Variants in LRRK2 observed in about 807,000 individuals in gnomAD.
LRRK2 encodes leucine-rich repeat serine/threonine-protein kinase 2.
A neutral mutation model predicts 302.6 loss-of-function variants in LRRK2; 203 were observed. That is an observed-to-expected ratio of 0.67 (90% CI 0.60 to 0.75). The LOEUF (loss-of-function observed/expected upper bound fraction) is 0.75, where lower values mean the gene tolerates loss of function less well. Ranked by LOEUF, LRRK2 falls within the 30% of genes least tolerant of loss-of-function variation. The pLI is 0.00. For missense variants in LRRK2, 2,830 were observed against 2,951.0 expected (o/e 0.96, Z 0.95); for synonymous variants, 1,066 against 1,031.9 (o/e 1.03, Z -0.63).
chr12:40,321,019 T>G lies in LRRK2; in HGVS notation c.5016-15T>G. Reference sequence around the variant, plus strand: ...TTTGTGAGGCTGTATAACCATAGTGTCCTTTTGCCTTTAGTTTGTCTGACC... The same window carrying G: ...TTTGTGAGGCTGTATAACCATAGTGGCCTTTTGCCTTTAGTTTGTCTGACC... On this transcript the variant is annotated splice_polypyrimidine_tract_variant and intron_variant, in intron 34 of 50. Coordinates refer to ENST00000298910, the MANE Select transcript of LRRK2 (RefSeq NM_198578.4). 1 of 1,612,244 alleles carries G rather than the reference T, an allele frequency of 6.2e-7. No homozygotes were observed. Among genetic ancestry groups the G allele is most frequent in the South Asian group, 1.1e-5 (1 of 91,038 alleles).
chr12:40,316,291 C>G (rs1427305455), intron 33 of LRRK2: 6 of 983,948 alleles, frequency 6.1e-6, no homozygotes, highest in Admixed American at 1.2e-4. Flanking sequence ...AAAAAGGAAG[C>G]TATTGTGAAG....
rs11176166 is a variant in LRRK2 at position 40,355,140 on chromosome 12, G to A, written c.6770+648G>A. 6.4e-4 allele frequency among the ~76,000 whole-genome samples: 98 copies of A among 152,226 alleles called. 5 individuals carry two copies. In the East Asian group the frequency reaches 0.019, roughly 29 times the overall value. On this transcript the variant is annotated intron_variant, in intron 45 of 50. Transcript: ENST00000298910. ...GGTTTAAGTTAGTATTGGAAAAAAAGTACTAGAAAAATGTGAAGCCTGTTT... is the reference window on the plus strand; with the variant it reads ...GGTTTAAGTTAGTATTGGAAAAAAAATACTAGAAAAATGTGAAGCCTGTTT...
chr12:40,328,181 C>T (rs541996225), intron 38 of LRRK2, among the ~76,000 whole-genome samples, 179 bp from the exon 39 acceptor site: 1 of 152,296 alleles, frequency 6.6e-6, no homozygotes, highest in Admixed American at 6.5e-5. Context: ...AAAATCTTTA[C>T]ATATATCTTT....
At chr12:40,364,605 C>G (rs1946821052) in intron 48 of LRRK2, among the ~76,000 whole-genome samples, 1 of 151,382 alleles carries the variant, frequency 6.6e-6, no homozygotes, top group African/African-American at 2.4e-5. Flanking sequence ...CCCTCTTATT[C>G]ATAATTTCCT....
chr12:40,270,808 A>G (rs899410439), intron 14 of LRRK2, among the ~76,000 whole-genome samples: 7 of 152,162 alleles, frequency 4.6e-5, no homozygotes, highest in Non-Finnish European at 1.0e-4. Context: ...ATACACGAAT[A>G]CATATACATG....
At chr12:40,233,591 G>A (rs1287211076) in intron 3 of LRRK2, among the ~76,000 whole-genome samples, 1 of 152,172 alleles carries the variant, frequency 6.6e-6, no homozygotes, top group African/African-American at 2.4e-5. Flanking sequence ...GTAATTCTAT[G>A]TATCAGTTCT....
At chr12:40,283,044 T>TA (rs112859457) in intron 18 of LRRK2, among the ~76,000 whole-genome samples, 4,936 of 151,686 alleles carry the variant, frequency 0.033, 255 homozygotes, top group African/African-American at 0.11. Context: ...AGGATTTTTT[T>TA]AAAAAAAAGA....
chr12:40,279,306 G>C (rs1943591696), intron 18 of LRRK2, among the ~76,000 whole-genome samples: 1 of 149,578 alleles, frequency 6.7e-6, no homozygotes, highest in South Asian at 2.2e-4. Flanking sequence ...TGACTGTTAA[G>C]ATTAAGTTAA....
chr12:40,328,906 A>T (rs928807291), intron 39 of LRRK2, among the ~76,000 whole-genome samples: 1 of 152,216 alleles, frequency 6.6e-6, no homozygotes, highest in African/African-American at 2.4e-5. Context: ...CTTGAAGCCT[A>T]GCAAGCTCCT....
chr12:40,247,657 AAT>A (rs1942061055), intron 7 of LRRK2, among the ~76,000 whole-genome samples: 1 of 84,510 alleles, frequency 1.2e-5, no homozygotes, highest in African/African-American at 3.6e-5. Context: ...GATGTATATA[AAT>A]ATACAAATAT....
chr12:40,279,574 A>G (rs574226567), intron 18 of LRRK2, among the ~76,000 whole-genome samples: 1 of 152,294 alleles, frequency 6.6e-6, no homozygotes, highest in East Asian at 1.9e-4. Flanking sequence ...CCGAAGAACT[A>G]AAAAGAAACT....
chr12:40,229,213 T>G (rs1941054167), intron 2 of LRRK2, among the ~76,000 whole-genome samples: 1 of 152,170 alleles, frequency 6.6e-6, no homozygotes, highest in South Asian at 2.1e-4. Context: ...GTAAGTATCC[T>G]TTACTGCTTT....
rs766368406 is a variant in LRRK2 at position 40,295,413 on chromosome 12, GT to G, written c.2879-9del. 3 of 1,606,430 alleles carry G rather than the reference GT, an allele frequency of 1.9e-6. No individual in the cohort carries two copies. The highest frequency in any genetic ancestry group is 3.3e-5 in the Admixed American group (2 of 59,914). On this transcript the variant is annotated splice_polypyrimidine_tract_variant and intron_variant, in intron 22 of 50. Transcript: ENST00000298910. ...TTGCTTATATTTCCATTGTTTGTTT[GT>G]TTTTGACAAAAGGGTCATCAAAACT...
intron 33 of LRRK2, among the ~76,000 whole-genome samples, chr12:40,317,507 G>A (rs1398090965): frequency 2.0e-5 from 3 of 151,972 alleles, no homozygotes; most frequent in Non-Finnish European, 2.9e-5. Context: ...CACTCTATGC[G>A]CCCCGAGCTG....
chr12:40,274,961 C>T lies in LRRK2; in HGVS notation c.1909C>T (p.Arg637Ter), dbSNP rs770183014. ...LAKILVSSLY[R>*]FKDVAEIQTK... The stretch of plus-strand genomic sequence containing the variant: ...AAAAATTCTGGTTTCCAGCTTATAC[C>T]GATTTAAGGATGTTGCTGAAATACA... The change falls in exon 16 of 51, where the codon CGA (arginine) becomes TGA (stop). Residue 637 changes from arginine (R) to a stop codon, truncating the protein, a stop_gained. Transcript: ENST00000298910. LOFTEE classifies it high-confidence loss of function. 6 of 1,613,812 alleles carry T rather than the reference C, an allele frequency of 3.7e-6. No homozygotes were observed. The highest frequency in any genetic ancestry group is 1.1e-5 in the South Asian group (1 of 91,056).
At chr12:40,274,780 T>C (rs1943378468) in intron 15 of LRRK2, 53 bp downstream of exon 15, 1 of 1,611,036 alleles carries the variant, frequency 6.2e-7, no homozygotes. Context: ...GGGCATTAGC[T>C]GGTGACTGGA....
At chr12:40,252,876 ATTACTACTAACAT>A in intron 10 of LRRK2, 21 bp from the exon 11 acceptor site, 1 of 1,357,600 alleles carries the variant, frequency 7.4e-7, no homozygotes, top group East Asian at 2.3e-5. Context: ...TATTTAAAAG[ATTACTACTAACAT>A]TTTGTTTGAA....
At chr12:40,362,151 G>A (rs746083151) in intron 47 of LRRK2, among the ~76,000 whole-genome samples, 2 of 151,846 alleles carry the variant, frequency 1.3e-5, no homozygotes, top group Non-Finnish European at 2.9e-5. Context: ...GCAAAACTTT[G>A]TCCTAATTGG....
At chr12:40,331,158 G>A (rs7307562) in intron 39 of LRRK2, among the ~76,000 whole-genome samples, 3 of 151,834 alleles carry the variant, frequency 2.0e-5, no homozygotes, top group African/African-American at 4.8e-5. Context: ...GGGTGACTTC[G>A]TATGAAGTAA....
Sources: gnomAD v4.1 joint callset for allele counts (sites outside exome capture counted in the v4.1 genomes callset) on GRCh38, gnomAD v4.1.1 for gene constraint, MANE v1.5 for transcripts, NCBI Gene and HGNC (gene_info 2026-07-23, HGNC 2026-07-21) for gene names.